SPTA1: variants seen among roughly 807,000 people sequenced by gnomAD.
SPTA1 encodes spectrin alpha chain, erythrocytic 1.
A neutral mutation model predicts 324.7 loss-of-function variants in SPTA1; 177 were observed. That is an observed-to-expected ratio of 0.55 (90% CI 0.48 to 0.62). The LOEUF (loss-of-function observed/expected upper bound fraction) is 0.62, where lower values mean the gene tolerates loss of function less well. SPTA1 is among the 20% of genes least tolerant of loss of function. SPTA1 has a pLI of 0.00. For synonymous variants in SPTA1, 1,195 were observed against 1,041.3 expected, an observed-to-expected ratio of 1.15 and a Z score of -2.84; for missense variants, 3,162 against 2,883.6, an observed-to-expected ratio of 1.10 and a Z score of -2.21.
chr1:158,669,412 T>C lies in SPTA1; in HGVS notation c.1829A>G (p.Tyr610Cys). ...KKKKLADDEDYKDIQNLKSRV... is the reference protein window; with the variant it reads ...KKKKLADDEDCKDIQNLKSRV... The stretch of plus-strand genomic sequence containing the variant: ...GCTCCTGAAAACTCTGCCTACCTTG[T>C]AATCTTCATCATCTGCCAACTTTTT... The change falls in exon 14 of 52, where the codon TAC (tyrosine) becomes TGC (cysteine). Residue 610 changes from tyrosine to cysteine, a missense_variant. Physicochemically the swap from Tyr to Cys is radical, Grantham distance 194. Coordinates refer to ENST00000643759, the MANE Select transcript of SPTA1 (RefSeq NM_003126.4). 2.5e-6 allele frequency: 4 copies of C among 1,614,126 alleles called. No homozygotes were observed. The South Asian group carries it at 4.4e-5, about 18-fold the overall frequency.
intron 17 of SPTA1, 144 bp downstream of exon 17, chr1:158,662,558 G>A: frequency 1.9e-6 from 2 of 1,073,784 alleles, no homozygotes; most frequent in Admixed American, 2.7e-5. Context: ...ATATTTTTAT[G>A]AAGGACTGGA....
chr1:158,674,199 TG>T, intron 10 of SPTA1, 129 bp downstream of exon 10: 1 of 990,564 alleles, frequency 1.0e-6, no homozygotes, highest in Non-Finnish European at 1.6e-6. Context: ...TGTAAAAGTT[TG>T]ATTCATATTA....
chr1:158,614,138 T>C, intron 49 of SPTA1, 115 bp downstream of exon 49: 1 of 909,504 alleles, frequency 1.1e-6, no homozygotes, highest in Non-Finnish European at 1.8e-6. Flanking sequence ...TGAGCATATC[T>C]AGATCTTCAT....
At chr1:158,625,269 T>C (rs537848993) in intron 42 of SPTA1, among the ~76,000 whole-genome samples, 2 of 152,274 alleles carry the variant, frequency 1.3e-5, no homozygotes, top group African/African-American at 4.8e-5. Flanking sequence ...AATCAAGAAA[T>C]GTAATTCAAG....
Position 158,626,206 on chromosome 1 carries a change from G to A in SPTA1, c.5850C>T (p.Ser1950=), listed in dbSNP as rs1650254371. 2.5e-6 allele frequency: 4 copies of A among 1,613,598 alleles called. No homozygotes were observed. The East Asian group carries it at 8.9e-5, about 36-fold the overall frequency. Residue 1950 remains serine, a synonymous_variant, in exon 42 of 52, where the codon AGC becomes AGT. Transcript: ENST00000643759. Reference sequence around the variant, plus strand: ...CTGCACCATTGCCATTGGTCTTTAGGCTTGTTTCCTTATCAGCTAAAAGGC... The same window carrying A: ...CTGCACCATTGCCATTGGTCTTTAGACTTGTTTCCTTATCAGCTAAAAGGC... ...VEAWIADKET[S]LKTNGNGADL... is the part of the protein sequence containing the mutation.
At chr1:158,616,404 C>T (rs1364970489) in intron 47 of SPTA1, among the ~76,000 whole-genome samples, 1 of 152,036 alleles carries the variant, frequency 6.6e-6, no homozygotes, top group Non-Finnish European at 1.5e-5. Flanking sequence ...ATTCCTCTAT[C>T]TCCCCCTACC....
rs549779882 is a variant in SPTA1, at chr1:158,666,006, C to G, written c.2220+310G>C. 2.6e-4 allele frequency among the ~76,000 whole-genome samples: 39 copies of G among 152,096 alleles called. No individual in the cohort carries two copies. The South Asian group carries it at 6.0e-3, about 23-fold the overall frequency. On this transcript the variant is annotated intron_variant, in intron 16 of 51. Coordinates refer to ENST00000643759, the MANE Select transcript of SPTA1 (RefSeq NM_003126.4). ...CCTTACACTAACCATGAGGTTCTGA[C>G]CAAAGACACTGAGCACCCAGCACCC...
chr1:158,620,001 C>T (rs115330983), intron 44 of SPTA1, among the ~76,000 whole-genome samples, 169 bp downstream of exon 44: 239 of 152,230 alleles, frequency 1.6e-3, no homozygotes, highest in African/African-American at 5.6e-3. Context: ...ATAGGGTATA[C>T]CTATGATAAA....
In SPTA1 at chr1:158,656,661, A is replaced by T; in HGVS notation, c.2806-5T>A. On this transcript the variant is annotated splice_region_variant and splice_polypyrimidine_tract_variant and intron_variant, in intron 19 of 51. Coordinates refer to ENST00000643759, the MANE Select transcript of SPTA1 (RefSeq NM_003126.4). ...CTCATGCTTCTTTAGAAGAGCCTGC[A>T]TTTATTGATGGAAGATCATCAGAAT... 6.2e-7 allele frequency: 1 copy of T among 1,610,222 alleles called. No individual in the cohort carries two copies. The highest frequency in any genetic ancestry group is 8.5e-7 in the Non-Finnish European group (1 of 1,176,952).
At chr1:158,622,053 A>G (rs960405041) in intron 43 of SPTA1, among the ~76,000 whole-genome samples, 2 of 151,894 alleles carry the variant, frequency 1.3e-5, no homozygotes, top group African/African-American at 4.8e-5. Flanking sequence ...TTTAGTAGAG[A>G]CGGTGTTTCA....
chr1:158,616,681 C>T (rs755289560), intron 47 of SPTA1, among the ~76,000 whole-genome samples: 1 of 152,098 alleles, frequency 6.6e-6, no homozygotes, highest in Non-Finnish European at 1.5e-5. Context: ...CATATTTTGG[C>T]TATTGTGAAT....
At chr1:158,639,386 G>A in intron 35 of SPTA1, 196 bp downstream of exon 35, 1 of 626,830 alleles carries the variant, frequency 1.6e-6, no homozygotes, top group Non-Finnish European at 2.8e-6. Context: ...CTATAGTTTA[G>A]GGATAATTGA....
chr1:158,681,422 A>T (rs1348876083), intron 4 of SPTA1, 105 bp downstream of exon 4: 5 of 1,568,366 alleles, frequency 3.2e-6, no homozygotes, highest in Non-Finnish European at 4.4e-6. Flanking sequence ...AAAGCCAGGA[A>T]CAGACATCCT....
rs368748464 is a variant in SPTA1 at position 158,611,401 on chromosome 1, A to T, written c.7135-12T>A. 1.2e-6 allele frequency: 2 copies of T among 1,613,128 alleles called. No individual in the cohort carries two copies. The highest frequency in any genetic ancestry group is 2.7e-5 in the African/African-American group (2 of 74,872). The stretch of plus-strand genomic sequence containing the variant: ...TCTGGGGTAAGGGCCTGAAAAGTAT[A>T]AAAAGAGAAAAATACAGTTATAGGG... On this transcript the variant is annotated splice_polypyrimidine_tract_variant and intron_variant, in intron 51 of 51. Coordinates refer to ENST00000643759, the MANE Select transcript of SPTA1 (RefSeq NM_003126.4).
Position 158,611,370 on chromosome 1 carries a change from A to T in SPTA1, c.7154T>A (p.Val2385Glu), listed in dbSNP as rs1276901548. 2 of 1,613,688 alleles carry T rather than the reference A, an allele frequency of 1.2e-6. No homozygotes were observed. The highest frequency in any genetic ancestry group is 1.7e-6 in the Non-Finnish European group (2 of 1,179,698). The change falls in exon 52 of 52, where the codon GTG becomes GAG. Residue 2385 changes from valine to glutamate, a missense_variant. Coordinates refer to ENST00000643759, the MANE Select transcript of SPTA1 (RefSeq NM_003126.4). ...CTGCATATGTGTGGCACAGAATGAC[A>T]CTTGCTCTGGGGTAAGGGCCTGAAA... ...DMKQALTPEQ[V>E]SFCATHMQQY...
At chr1:158,613,628 T>C in intron 50 of SPTA1, 93 bp downstream of exon 50, 1 of 1,575,654 alleles carries the variant, frequency 6.3e-7, no homozygotes, top group East Asian at 2.2e-5. Flanking sequence ...TTCAGATGAG[T>C]TAATTTCATG....
rs1462972608 is a variant in SPTA1, at chr1:158,666,508, A to T, written c.2039-11T>A. On this transcript the variant is annotated splice_polypyrimidine_tract_variant and intron_variant, in intron 15 of 51. Coordinates refer to ENST00000643759, the MANE Select transcript of SPTA1 (RefSeq NM_003126.4). ...CATGCAACTGGGTCCCTGGGAGAAG[A>T]CATAAGGTAGAAGACATTAGGTACC... 1 of 1,605,324 alleles carries T rather than the reference A, an allele frequency of 6.2e-7. No homozygotes were observed. The highest frequency in any genetic ancestry group is 8.5e-7 in the Non-Finnish European group (1 of 1,179,642).
intron 48 of SPTA1, chr1:158,614,537 A>G (rs1028790373): frequency 2.0e-5 from 9 of 439,822 alleles, no homozygotes; most frequent in Non-Finnish European, 2.8e-5. Flanking sequence ...AAGACAATCA[A>G]AAGAAAATTT....
chr1:158,642,706 G>T, intron 32 of SPTA1, 108 bp downstream of exon 32: 1 of 1,589,280 alleles, frequency 6.3e-7, no homozygotes, highest in African/African-American at 1.3e-5. Flanking sequence ...CTGAGAGCAG[G>T]CATGGTAGCC....
Sources: allele counts gnomAD v4.1 joint callset (sites outside exome capture counted in the v4.1 genomes callset), GRCh38; gene constraint gnomAD v4.1.1; transcripts MANE v1.5; gene names NCBI Gene and HGNC (gene_info 2026-07-23, HGNC 2026-07-21).